Variants in NHSL3 observed in about 807,000 individuals in gnomAD.
NHSL3 encodes NHS-like protein 3.
At chr1:32,755,294 G>A in the NHSL3 span, among the ~76,000 whole-genome samples, 3 of 152,218 alleles carry the variant, frequency 2.0e-5, no homozygotes, top group Non-Finnish European at 2.9e-5. Context: ...TGTTGGTCTG[G>A]GGGAGTGAGG....
At chr1:32,771,207 G>A in the NHSL3 span, 1 of 1,609,146 alleles carries the variant, frequency 6.2e-7, no homozygotes, top group South Asian at 1.1e-5. Flanking sequence ...CTCCCTCCAA[G>A]CCCAGGAGCC....
the NHSL3 span, among the ~76,000 whole-genome samples, chr1:32,750,843 G>A: frequency 0.24 from 33,851 of 143,118 alleles, 4,759 homozygotes; most frequent in South Asian, 0.31. Flanking sequence ...AGACAGTCTC[G>A]CTGTGTCACC....
At chr1:32,769,711 G>C in the NHSL3 span, 2 of 1,613,876 alleles carry the variant, frequency 1.2e-6, no homozygotes, top group Non-Finnish European at 1.7e-6. Flanking sequence ...TCCCAAATCT[G>C]GAAAGTCAGG....
At chr1:32,769,026 G>A in the NHSL3 span, 381 of 367,600 alleles carry the variant, frequency 1.0e-3, 1 homozygote, top group East Asian at 0.018. Flanking sequence ...CGAGGTGGGC[G>A]GGTCACGAGG....
At chr1:32,772,861 C>T in the NHSL3 span, 2 of 1,613,982 alleles carry the variant, frequency 1.2e-6, no homozygotes. Flanking sequence ...TTTTTCTCCC[C>T]CAGACTCACA....
the NHSL3 span, among the ~76,000 whole-genome samples, chr1:32,750,798 G>A: frequency 6.0e-5 from 9 of 151,098 alleles, no homozygotes; most frequent in African/African-American, 1.5e-4. Context: ...GAGCCACAGC[G>A]CCCGGCCCCT....
At chr1:32,767,919 C>T in the NHSL3 span, 3 of 1,614,102 alleles carry the variant, frequency 1.9e-6, no homozygotes, top group South Asian at 3.3e-5. Flanking sequence ...GAGCTGCACA[C>T]TCAGGCCCAG....
At chr1:32,763,697 G>A in the NHSL3 span, among the ~76,000 whole-genome samples, 6 of 151,854 alleles carry the variant, frequency 4.0e-5, no homozygotes, top group African/African-American at 9.7e-5. Context: ...TCAGCCTCCC[G>A]AGTAGCTGGA....
chr1:32,746,745 C>T, the NHSL3 span, among the ~76,000 whole-genome samples: 3 of 152,132 alleles, frequency 2.0e-5, no homozygotes, highest in Admixed American at 6.6e-5. Flanking sequence ...ATCACAATGA[C>T]GGAGCCACTC....
chr1:32,745,055 G>A, the NHSL3 span, among the ~76,000 whole-genome samples: 1 of 151,686 alleles, frequency 6.6e-6, no homozygotes, highest in African/African-American at 2.4e-5. Context: ...GAACTCGGGA[G>A]GCGGAGGTTG....
At chr1:32,754,034 G>C in the NHSL3 span, 1 of 564,404 alleles carries the variant, frequency 1.8e-6, no homozygotes, top group African/African-American at 2.0e-5. Context: ...CTGCGGGCCC[G>C]GCGGCCGGGC....
the NHSL3 span, among the ~76,000 whole-genome samples, chr1:32,762,744 C>T: frequency 0.017 from 2,512 of 152,226 alleles, 63 homozygotes; most frequent in African/African-American, 0.056. Flanking sequence ...CGCCCGCCAC[C>T]GCGCCTTGCT....
chr1:32,753,316 C>G, the NHSL3 span, among the ~76,000 whole-genome samples: 1 of 151,664 alleles, frequency 6.6e-6, no homozygotes, highest in Non-Finnish European at 1.5e-5. Context: ...GAAACCCCGT[C>G]TCTACTAAAA....
At chr1:32,771,508 C>A in the NHSL3 span, 1 of 1,592,376 alleles carries the variant, frequency 6.3e-7, no homozygotes, top group South Asian at 1.1e-5. Flanking sequence ...ACCCCCTGCC[C>A]CTGAGGAGCA....
the NHSL3 span, among the ~76,000 whole-genome samples, chr1:32,749,431 G>A: frequency 3.9e-5 from 6 of 152,140 alleles, no homozygotes; most frequent in African/African-American, 1.4e-4. Context: ...CCCCAGAGAT[G>A]GGCATCTCCG....
the NHSL3 span, chr1:32,771,101 C>T: frequency 6.2e-7 from 1 of 1,613,744 alleles, no homozygotes; most frequent in South Asian, 1.1e-5. Flanking sequence ...TCTGACCCAG[C>T]CCCCTCAGAC....
chr1:32,746,006 G>A, the NHSL3 span, among the ~76,000 whole-genome samples: 4 of 152,014 alleles, frequency 2.6e-5, no homozygotes, highest in East Asian at 1.9e-4. Flanking sequence ...TGAGGCGGGC[G>A]GATCACAAGG....
the NHSL3 span, chr1:32,765,512 C>T: frequency 1.2e-6 from 1 of 836,802 alleles, no homozygotes; most frequent in South Asian, 1.8e-5. Flanking sequence ...CACCCACGGA[C>T]TCCTGGCCTC....
At chr1:32,772,466 G>A in the NHSL3 span, 2 of 1,508,200 alleles carry the variant, frequency 1.3e-6, no homozygotes, top group Non-Finnish European at 1.8e-6. Context: ...GCTAGGGTGA[G>A]GTCCCATTGC....
Sources: allele counts gnomAD v4.1 joint callset (sites outside exome capture counted in the v4.1 genomes callset), GRCh38; gene constraint gnomAD v4.1.1; transcripts MANE v1.5; gene names NCBI Gene and HGNC (gene_info 2026-07-23, HGNC 2026-07-21).